NRIP1: variants seen among roughly 807,000 people sequenced by gnomAD.
NRIP1 encodes the protein nuclear receptor interacting protein 1.
Under a neutral mutation model 75.0 loss-of-function variants are expected in NRIP1, and 28 were observed. The observed-to-expected ratio is 0.37, with a 90% CI of 0.28 to 0.51. The LOEUF (loss-of-function observed/expected upper bound fraction) is 0.51, where lower values mean the gene tolerates loss of function less well. Ranked by LOEUF, NRIP1 falls within the 20% of genes least tolerant of loss-of-function variation. NRIP1 has a pLI of 0.92. For missense variants in NRIP1, 1,435 were observed against 1,343.7 expected (o/e 1.07, Z -1.06); for synonymous variants, 526 against 487.6 (o/e 1.08, Z -1.04).
intron 3 of NRIP1, among the ~76,000 whole-genome samples, chr21:14,978,450 T>C (rs1568952355): frequency 6.6e-6 from 1 of 152,206 alleles, no homozygotes; most frequent in Non-Finnish European, 1.5e-5. Flanking sequence ...TGTTCACAAC[T>C]TTCTTCTGTA....
intron 3 of NRIP1, among the ~76,000 whole-genome samples, chr21:14,993,471 CTG>C (rs2147081842): frequency 6.6e-6 from 1 of 152,292 alleles, no homozygotes; most frequent in Non-Finnish European, 1.5e-5. Flanking sequence ...AACAGTAACA[CTG>C]AGGGTCAACC....
chr21:15,034,081 T>C (rs1165190840), intron 2 of NRIP1, among the ~76,000 whole-genome samples: 2 of 152,234 alleles, frequency 1.3e-5, no homozygotes, highest in Non-Finnish European at 2.9e-5. Context: ...ACCAAATCCC[T>C]TGCTTTTGTT....
intron 2 of NRIP1, among the ~76,000 whole-genome samples, chr21:15,039,854 A>G (rs1038340785): frequency 6.6e-6 from 1 of 152,112 alleles, no homozygotes; most frequent in Non-Finnish European, 1.5e-5. Flanking sequence ...GTCATTCAAC[A>G]TGCCCCCTAA....
At chr21:15,064,039 A>AT (rs1978595396) in intron 1 of NRIP1, among the ~76,000 whole-genome samples, 1 of 152,244 alleles carries the variant, frequency 6.6e-6, no homozygotes, top group Non-Finnish European at 1.5e-5. Context: ...CATCCACGGA[A>AT]ACCTTCATAA....
intron 3 of NRIP1, among the ~76,000 whole-genome samples, chr21:15,008,159 A>G (rs1240203666): frequency 6.6e-6 from 1 of 152,176 alleles, no homozygotes; most frequent in Non-Finnish European, 1.5e-5. Flanking sequence ...GAGAGTAGGG[A>G]GTAAAACAGA....
intron 3 of NRIP1, among the ~76,000 whole-genome samples, chr21:14,983,626 A>C (rs550134069): frequency 1.2e-4 from 19 of 152,350 alleles, no homozygotes; most frequent in South Asian, 1.0e-3. Flanking sequence ...TTCCATCTAG[A>C]AATTTCATAG....
chr21:15,055,790 G>A (rs1204560577), intron 1 of NRIP1, among the ~76,000 whole-genome samples: 1 of 152,112 alleles, frequency 6.6e-6, no homozygotes, highest in Non-Finnish European at 1.5e-5. Flanking sequence ...CTTTCAAAAC[G>A]TCTTTAAATT....
intron 1 of NRIP1, among the ~76,000 whole-genome samples, chr21:15,054,116 A>C (rs1488581254): frequency 6.6e-6 from 1 of 152,198 alleles, no homozygotes; most frequent in Admixed American, 6.5e-5. Flanking sequence ...AATTTTTAAA[A>C]CATAGATGGG....
chr21:15,046,850 T>TA (rs1369401370), intron 1 of NRIP1, among the ~76,000 whole-genome samples: 1 of 152,214 alleles, frequency 6.6e-6, no homozygotes, highest in Non-Finnish European at 1.5e-5. Context: ...CTTCTATCCT[T>TA]AAACTTCATG....
intron 1 of NRIP1, among the ~76,000 whole-genome samples, chr21:15,054,512 CT>C (rs2089267061): frequency 6.6e-6 from 1 of 152,130 alleles, no homozygotes; most frequent in African/African-American, 2.4e-5. Context: ...GTCAGTTTCA[CT>C]TTTTCCCTCA....
chr21:14,992,809 A>C (rs919717559), intron 3 of NRIP1: 1 of 152,278 alleles, frequency 6.6e-6, no homozygotes, highest in Non-Finnish European at 1.5e-5. Flanking sequence ...TGGCTGTCCC[A>C]TATGTTCAGA....
intron 3 of NRIP1, among the ~76,000 whole-genome samples, chr21:15,006,614 A>C (rs1005745164): frequency 6.6e-6 from 1 of 152,216 alleles, no homozygotes; most frequent in African/African-American, 2.4e-5. Flanking sequence ...TTAAGTACAG[A>C]ATTTAATAAG....
intron 3 of NRIP1, among the ~76,000 whole-genome samples, chr21:14,996,087 C>A (rs770830015): frequency 6.6e-6 from 1 of 151,888 alleles, no homozygotes; most frequent in Non-Finnish European, 1.5e-5. Flanking sequence ...TTTGTAGTAG[C>A]CACACTTTTT....
intron 3 of NRIP1, among the ~76,000 whole-genome samples, chr21:15,001,923 GC>G (rs1226992562): frequency 6.6e-6 from 1 of 152,066 alleles, no homozygotes; most frequent in Non-Finnish European, 1.5e-5. Context: ...CAGATTTAGT[GC>G]CTCAGAACAC....
intron 2 of NRIP1, among the ~76,000 whole-genome samples, chr21:15,033,433 A>G (rs2088758691): frequency 6.6e-6 from 1 of 152,080 alleles, no homozygotes. Flanking sequence ...TCATACCTAG[A>G]TTATCTGGTC....
intron 2 of NRIP1, among the ~76,000 whole-genome samples, chr21:15,037,864 CT>C (rs1284760949): frequency 1.3e-5 from 2 of 152,036 alleles, no homozygotes; most frequent in Admixed American, 1.3e-4. Context: ...TTTTACTTTG[CT>C]GTGTAGAATG....
chr21:15,043,454 T>A (rs1315517237), intron 2 of NRIP1, 41 bp downstream of exon 2: 2 of 152,202 alleles, frequency 1.3e-5, no homozygotes, highest in Admixed American at 1.3e-4. Flanking sequence ...AAAGGCTTGA[T>A]AACATTTTTA....
chr21:15,023,608 TACTC>T lies in NRIP1; in HGVS notation c.-457-9146_-457-9143del, dbSNP rs377366363. Among the ~76,000 whole-genome samples the T allele has an allele frequency of 4.3e-4, 66 of 152,306 alleles. 2 individuals are homozygous for T. The East Asian group carries it at 9.0e-3, about 21-fold the overall frequency. On this transcript the variant is annotated intron_variant, in intron 2 of 3. Coordinates refer to ENST00000318948, the MANE Select transcript of NRIP1 (RefSeq NM_003489.4). ...TGACACACCATGTTTATTATATAAA[TACTC>T]AGTATCGTAAAATGACAATTCTTCC...
intron 3 of NRIP1, among the ~76,000 whole-genome samples, chr21:14,985,430 A>G (rs2087370117): frequency 6.6e-6 from 1 of 152,184 alleles, no homozygotes; most frequent in African/African-American, 2.4e-5. Flanking sequence ...TTTAGAAAAC[A>G]TGCGTGACTA....
Sources: allele counts gnomAD v4.1 joint callset (sites outside exome capture counted in the v4.1 genomes callset), GRCh38; gene constraint gnomAD v4.1.1; transcripts MANE v1.5; gene names NCBI Gene and HGNC (gene_info 2026-07-23, HGNC 2026-07-21).